Variants in CSAD observed in about 807,000 individuals in gnomAD.
CSAD encodes the protein cysteine sulfinic acid decarboxylase.
In CSAD, 47 loss-of-function variants were observed where a neutral mutation model predicts 61.5. The ratio of observed to expected loss-of-function variants is 0.76; its 90% CI spans 0.60 to 0.97. The LOEUF is 0.97. Among genes scored for constraint, CSAD ranks in the 50% least tolerant of loss-of-function variants. The pLI, the probability that CSAD is intolerant of heterozygous loss-of-function variation, is 0.00. For synonymous variants in CSAD, 245 were observed against 252.7 expected, an observed-to-expected ratio of 0.97 and a Z score of 0.29; for missense variants, 611 against 643.6, an observed-to-expected ratio of 0.95 and a Z score of 0.55.
chr12:53,181,146 G>T (rs1941606010), upstream of CSAD: 1 of 983,388 alleles, frequency 1.0e-6, no homozygotes, highest in South Asian at 4.7e-5. Flanking sequence ...TGCAGAGGCT[G>T]GCTGGCCGGA....
Position 53,158,462 on chromosome 12 carries a change from C to T in CSAD, c.*49G>A. The T allele has an allele frequency of 6.3e-7, 1 of 1,580,322 alleles. No homozygotes were observed. Among genetic ancestry groups the T allele is most frequent in the Admixed American group, 1.7e-5 (1 of 58,498 alleles). ...CAAAGGCTGGGAGGGAATGCAGTGA[C>T]TCTGCGGGTGAGGGGTGGTATCAAG... On this transcript the variant is annotated 3_prime_UTR_variant, in exon 17 of 17. Transcript: ENST00000444623.
intron 10 of CSAD, among the ~76,000 whole-genome samples, chr12:53,168,878 T>A (rs867298725): frequency 1.8e-4 from 27 of 151,910 alleles, no homozygotes; most frequent in Middle Eastern, 6.3e-3. Flanking sequence ...GACATTTAAA[T>A]TTTTTTTTAA....
intron 10 of CSAD, among the ~76,000 whole-genome samples, chr12:53,162,386 G>T (rs915583402): frequency 6.6e-6 from 1 of 150,526 alleles, no homozygotes; most frequent in African/African-American, 2.5e-5. Flanking sequence ...TGGCCAAGAT[G>T]GTGAAACCCT....
intron 1 of CSAD, chr12:53,179,714 A>C: frequency 1.6e-6 from 2 of 1,241,910 alleles, no homozygotes; most frequent in Non-Finnish European, 2.2e-6. Context: ...TTCATCATAC[A>C]GTTTTTTTTT....
intron 1 of CSAD, chr12:53,180,449 G>C (rs1279438638): frequency 8.5e-7 from 1 of 1,181,466 alleles, no homozygotes; most frequent in Admixed American, 4.3e-5. Flanking sequence ...AATCATCGAA[G>C]GGCCGAGGGT....
chr12:53,166,806 A>G (rs1014809600), intron 10 of CSAD, among the ~76,000 whole-genome samples: 1 of 151,148 alleles, frequency 6.6e-6, no homozygotes, highest in African/African-American at 2.4e-5. Flanking sequence ...AGAAAAACAA[A>G]ACAAAACAAA....
rs781417646 is a variant in CSAD, at chr12:53,171,912, A to G, written c.421T>C (p.Trp141Arg). The change falls in exon 7 of 17, where the codon TGG becomes CGG. Residue 141 changes from tryptophan to arginine, a missense_variant. Trp to Arg is a moderately radical substitution (Grantham distance 101). Transcript: ENST00000444623. ...CAGAAGATTCCGTCCCCAGAGCTCC[A>G]GCCCACCAGGGCCCGCAGTTTCCTC... ...VLRKLRALVGWSSGDGIFCPG... is the reference protein window; with the variant it reads ...VLRKLRALVGRSSGDGIFCPG... 1.9e-6 allele frequency: 3 copies of G among 1,613,990 alleles called. No homozygotes were observed. In the Admixed American group the frequency reaches 5.0e-5, roughly 27 times the overall value.
At position 53,159,871 on chromosome 12, in the gene CSAD, T is replaced by A. The variant is rs1283872896; in HGVS notation, c.1218+16A>T. On this transcript the variant is annotated intron_variant, in intron 15 of 16. Transcript: ENST00000444623. ...CTAGGCTGGGGCAGGGGCCACAAAA[T>A]AGAAAGGGGTCCTACCTCCATGACT... 2 of 1,584,616 alleles carry A rather than the reference T, an allele frequency of 1.3e-6. No homozygotes were observed. The highest frequency in any genetic ancestry group is 3.6e-5 in the Admixed American group (2 of 56,144).
At chr12:53,179,770 C>T (rs748025869) in intron 1 of CSAD, 10 of 1,607,506 alleles carry the variant, frequency 6.2e-6, no homozygotes, top group South Asian at 1.1e-5. Flanking sequence ...GACATAATAT[C>T]ACCTACAGCA....
intron 9 of CSAD, 108 bp downstream of exon 9, chr12:53,170,315 G>C (rs1424857604): frequency 9.4e-7 from 1 of 1,064,024 alleles, no homozygotes; most frequent in Non-Finnish European, 1.4e-6. Flanking sequence ...GAATAGCGAG[G>C]GGAGAGAGGT....
chr12:53,178,542 AGCACTTT>A (rs1269563379), intron 2 of CSAD, among the ~76,000 whole-genome samples: 1 of 152,138 alleles, frequency 6.6e-6, no homozygotes, highest in Non-Finnish European at 1.5e-5. Flanking sequence ...CTGGAATCCC[AGCACTTT>A]GGGAGGCCAA....
intron 2 of CSAD, chr12:53,177,989 C>G (rs1941234308): frequency 5.9e-6 from 1 of 169,728 alleles, no homozygotes; most frequent in Non-Finnish European, 1.3e-5. Context: ...ATATTAACTT[C>G]ACTATTAATG....
rs201720536 is a variant in CSAD at position 53,161,266 on chromosome 12, C to T, written c.819+7G>A. On this transcript the variant is annotated splice_region_variant and intron_variant, in intron 11 of 16. Coordinates refer to ENST00000444623, the MANE Select transcript of CSAD (RefSeq NM_001244705.2). ...CCACCGCACCCCCAAGCCGAAGTCC[C>T]ACTCACATCCACATGCAGCCATAGC... is the stretch of plus-strand genomic sequence containing the variant. 8.3e-4 allele frequency: 1,345 copies of T among 1,613,890 alleles called. 3 individuals are homozygous for T. Among genetic ancestry groups the T allele is most frequent in the Non-Finnish European group, 1.1e-3 (1,250 of 1,179,934 alleles).
chr12:53,180,528 C>T (rs1304802365), intron 1 of CSAD: 4 of 1,275,614 alleles, frequency 3.1e-6, no homozygotes, highest in African/African-American at 1.6e-5. Context: ...CTCAGCGCTC[C>T]CTCCTCCATG....
At chr12:53,158,823 C>T in intron 16 of CSAD, 139 bp from the exon 17 acceptor site, 1 of 722,700 alleles carries the variant, frequency 1.4e-6, no homozygotes, top group Non-Finnish European at 2.2e-6. Context: ...CTTGCTCAGA[C>T]CTTGACCTTG....
chr12:53,172,760 A>G (rs1463789836), intron 4 of CSAD, 112 bp from the exon 5 acceptor site: 1 of 1,225,608 alleles, frequency 8.2e-7, no homozygotes, highest in African/African-American at 1.5e-5. Context: ...CAACTTCGGG[A>G]TATTTCCAAA....
chr12:53,167,155 A>G (rs969266707), intron 10 of CSAD, among the ~76,000 whole-genome samples: 3 of 152,214 alleles, frequency 2.0e-5, no homozygotes, highest in African/African-American at 7.2e-5. Flanking sequence ...CTTGATGACT[A>G]GGAGAGTGGG....
At position 53,158,699 on chromosome 12, in the gene CSAD, A is replaced by C. The variant is rs922953558; in HGVS notation, c.1309-15T>G. 7 of 1,611,008 alleles carry C rather than the reference A, an allele frequency of 4.3e-6. No homozygotes were observed. The South Asian group carries it at 7.7e-5, about 18-fold the overall frequency. On this transcript the variant is annotated splice_polypyrimidine_tract_variant and intron_variant, in intron 16 of 16. Transcript: ENST00000444623. ...ACGGGGGCCACCTGTGGAAGGGTGG[A>C]GAGAGATTCCAGCTGCAGCCTGGGT...
intron 1 of CSAD, chr12:53,179,869 G>A: frequency 6.2e-7 from 1 of 1,610,736 alleles, no homozygotes; most frequent in East Asian, 2.2e-5. Context: ...AATGGCTAAG[G>A]CTAGGCAGAA....
Sources: allele counts gnomAD v4.1 joint callset (sites outside exome capture counted in the v4.1 genomes callset), GRCh38; gene constraint gnomAD v4.1.1; transcripts MANE v1.5; gene names NCBI Gene and HGNC (gene_info 2026-07-23, HGNC 2026-07-21).